CADM2: variants seen among roughly 807,000 people sequenced by gnomAD.
CADM2 encodes cell adhesion molecule 2.
Under a neutral mutation model 49.8 loss-of-function variants are expected in CADM2, and 12 were observed. That is an observed-to-expected ratio of 0.24 (90% confidence interval 0.15 to 0.39). The LOEUF is 0.39. Among genes scored for constraint, CADM2 ranks in the 10% least tolerant of loss-of-function variants. The probability of loss-of-function intolerance (pLI) is 1.00; values close to 1 mark genes in which losing one functional copy is unlikely to be tolerated. For missense variants in CADM2, 378 were observed against 492.3 expected (o/e 0.77, Z 2.20); for synonymous variants, 214 against 175.4 (o/e 1.22, Z -1.74).
chr3:86,067,933 A>G lies in CADM2; in HGVS notation c.*1150A>G, dbSNP rs1288712611. 5 of 152,470 alleles carry G rather than the reference A, an allele frequency of 3.3e-5. No individual in the cohort carries two copies. The highest frequency in any genetic ancestry group is 7.4e-5 in the Non-Finnish European group (5 of 67,904). 9.4% of individuals were successfully genotyped at this position (152,470 alleles called of 1,614,324 possible). A position where few individuals can be genotyped will look rare whatever the true frequency, so the allele number is the denominator to read the frequency against. On this transcript the variant is annotated 3_prime_UTR_variant, in exon 10 of 10. Transcript: ENST00000383699. ...AAGGAAAGGTAATTTTAAGCTAACAACCAGTGCACAGCCTCAGGTTTTAAA... is the reference window on the plus strand; with the variant it reads ...AAGGAAAGGTAATTTTAAGCTAACAGCCAGTGCACAGCCTCAGGTTTTAAA...
At chr3:85,342,758 A>C (rs1415406772) in intron 1 of CADM2, among the ~76,000 whole-genome samples, 1 of 152,190 alleles carries the variant, frequency 6.6e-6, no homozygotes, top group Non-Finnish European at 1.5e-5. Context: ...AAGAAGAAAG[A>C]GTAGTTATGG....
chr3:85,824,415 A>G (rs2073787284), intron 3 of CADM2, among the ~76,000 whole-genome samples: 1 of 150,440 alleles, frequency 6.6e-6, no homozygotes, highest in African/African-American at 2.4e-5. Flanking sequence ...TTTTTTTAAG[A>G]AAAAACAAAA....
intron 1 of CADM2, among the ~76,000 whole-genome samples, chr3:85,332,379 A>G (rs1450619591): frequency 6.6e-6 from 1 of 151,978 alleles, no homozygotes; most frequent in Non-Finnish European, 1.5e-5. Context: ...TTAGAGGAAT[A>G]TATTAGGGAG....
chr3:85,457,405 C>CCTGTCTTG (rs1046334844), intron 1 of CADM2, among the ~76,000 whole-genome samples: 3 of 151,624 alleles, frequency 2.0e-5, no homozygotes, highest in African/African-American at 4.9e-5. Flanking sequence ...ACAGCAAGAC[C>CCTGTCTTG]CTGTCTCAAG....
chr3:85,463,711 G>T (rs1189706065), intron 1 of CADM2, among the ~76,000 whole-genome samples: 2 of 152,010 alleles, frequency 1.3e-5, no homozygotes, highest in East Asian at 3.9e-4. Flanking sequence ...CTTTAAAAAT[G>T]GTGTGGAAAA....
At chr3:85,947,137 A>T (rs1236476313) in intron 7 of CADM2, among the ~76,000 whole-genome samples, 1 of 152,100 alleles carries the variant, frequency 6.6e-6, no homozygotes, top group African/African-American at 2.4e-5. Flanking sequence ...TGGACGAAGG[A>T]TATGAACAGA....
intron 5 of CADM2, among the ~76,000 whole-genome samples, chr3:85,891,860 T>G (rs1008787931): frequency 6.6e-6 from 1 of 152,218 alleles, no homozygotes; most frequent in African/African-American, 2.4e-5. Flanking sequence ...AACATCTTTA[T>G]TTAGCCAAGT....
chr3:85,316,532 T>A (rs114559761), intron 1 of CADM2, among the ~76,000 whole-genome samples: 1 of 152,192 alleles, frequency 6.6e-6, no homozygotes, highest in African/African-American at 2.4e-5. Flanking sequence ...TTGTGAAATA[T>A]TTGTTAAATA....
intron 1 of CADM2, among the ~76,000 whole-genome samples, chr3:85,678,693 G>A (rs1234964875): frequency 6.6e-6 from 1 of 152,086 alleles, no homozygotes; most frequent in East Asian, 1.9e-4. Context: ...CTATGAAATG[G>A]CAACGTAATA....
intron 1 of CADM2, among the ~76,000 whole-genome samples, chr3:85,175,458 A>G (rs2040754727): frequency 1.3e-5 from 2 of 152,202 alleles, no homozygotes; most frequent in African/African-American, 2.4e-5. Context: ...GACATGTGCT[A>G]CAGTGTGAAT....
At chr3:86,048,306 G>C (rs1447051373) in intron 8 of CADM2, among the ~76,000 whole-genome samples, 1 of 151,778 alleles carries the variant, frequency 6.6e-6, no homozygotes. Flanking sequence ...AGAAAATATA[G>C]CATTTTCTGA....
chr3:84,959,705 CG>C (rs2030262683), intron 1 of CADM2, 37 bp downstream of exon 1: 1 of 1,520,128 alleles, frequency 6.6e-7, no homozygotes, highest in South Asian at 1.2e-5. Context: ...ATCAACTTCT[CG>C]CCCATTCCCC....
intron 1 of CADM2, among the ~76,000 whole-genome samples, chr3:85,644,651 C>T (rs554768786): frequency 1.3e-5 from 2 of 152,250 alleles, no homozygotes; most frequent in South Asian, 2.1e-4. Context: ...AGATTTCACT[C>T]TCATGGAATG....
At chr3:84,997,414 A>C (rs1440800817) in intron 1 of CADM2, among the ~76,000 whole-genome samples, 17 of 152,082 alleles carry the variant, frequency 1.1e-4, no homozygotes, top group Non-Finnish European at 8.8e-5. Context: ...ATTCATAGAA[A>C]GAATTATGTT....
chr3:85,113,628 T>G (rs1266789729), intron 1 of CADM2, among the ~76,000 whole-genome samples: 1 of 151,910 alleles, frequency 6.6e-6, no homozygotes, highest in African/African-American at 2.4e-5. Context: ...CATTATATAC[T>G]TCTAAATGTA....
At chr3:85,003,227 A>C (rs190281901) in intron 1 of CADM2, among the ~76,000 whole-genome samples, 65 of 152,266 alleles carry the variant, frequency 4.3e-4, no homozygotes, top group Admixed American at 1.0e-3. Context: ...TCCATTCTCA[A>C]ATTTTTAAGC....
chr3:85,156,459 A>T (rs1296748185), intron 1 of CADM2, among the ~76,000 whole-genome samples: 1 of 151,814 alleles, frequency 6.6e-6, no homozygotes, highest in Non-Finnish European at 1.5e-5. Flanking sequence ...CAATAACAGG[A>T]TCTGAAATTA....
At chr3:85,926,061 C>A (rs1020149198) in intron 6 of CADM2, among the ~76,000 whole-genome samples, 13 of 151,564 alleles carry the variant, frequency 8.6e-5, no homozygotes, top group African/African-American at 3.1e-4. Flanking sequence ...GGCATGAACC[C>A]GGGAGGAGGA....
chr3:85,520,269 A>G (rs575763159), intron 1 of CADM2, among the ~76,000 whole-genome samples: 5 of 151,960 alleles, frequency 3.3e-5, no homozygotes, highest in African/African-American at 1.2e-4. Context: ...CATACAGATT[A>G]TTATATATTG....
Sources: allele counts gnomAD v4.1 joint callset (sites outside exome capture counted in the v4.1 genomes callset), GRCh38; gene constraint gnomAD v4.1.1; transcripts MANE v1.5; gene names NCBI Gene and HGNC (gene_info 2026-07-23, HGNC 2026-07-21).